The following PRKCB variants were observed in gnomAD, a reference collection of about 807,000 sequenced individuals.
PRKCB encodes the protein protein kinase C beta type.
In PRKCB, 13 loss-of-function variants were observed where a neutral mutation model predicts 81.5. The observed-to-expected ratio is 0.16, with a 90% CI of 0.10 to 0.25. The LOEUF is 0.25. Ranked by LOEUF, PRKCB falls within the 10% of genes least tolerant of loss-of-function variation. The pLI, the probability that PRKCB is intolerant of heterozygous loss-of-function variation, is 1.00. For synonymous variants in PRKCB, 335 were observed against 321.4 expected, an observed-to-expected ratio of 1.04 and a Z score of -0.45; for missense variants, 509 against 875.7, an observed-to-expected ratio of 0.58 and a Z score of 5.29.
chr16:24,103,124 C>T (rs1404440972), intron 7 of PRKCB, among the ~76,000 whole-genome samples: 2 of 152,198 alleles, frequency 1.3e-5, no homozygotes, highest in South Asian at 2.1e-4. Context: ...CCTCTCACTT[C>T]GGCCTCCCAA....
At chr16:24,048,035 G>T (rs1965789874) in intron 5 of PRKCB, among the ~76,000 whole-genome samples, 1 of 152,232 alleles carries the variant, frequency 6.6e-6, no homozygotes. Context: ...CACAGTGCTA[G>T]CCATCGTGGG....
At position 23,836,038 on chromosome 16, in the gene PRKCB, C is replaced by T. The variant is rs990351629; in HGVS notation, c.-138C>T. The T allele has an allele frequency of 1.1e-4, 57 of 505,286 alleles. No homozygotes were observed. Among genetic ancestry groups the T allele is most frequent in the Non-Finnish European group, 1.5e-4 (57 of 392,704 alleles). 31.3% of individuals were successfully genotyped at this position (505,286 alleles called of 1,614,324 possible). ...GCCCCGGCTCCGCGCGCCGCGGCCG[C>T]CAGAGCCGGCGCAGGGGAAGCGCCC... On this transcript the variant is annotated 5_prime_UTR_variant, in exon 1 of 17. Coordinates refer to ENST00000643927, the MANE Select transcript of PRKCB (RefSeq NM_002738.7).
rs1343496607 is a variant in PRKCB at position 24,216,063 on chromosome 16, C to G, written c.*1247C>G. 1.0e-6 allele frequency: 1 copy of G among 984,650 alleles called. No homozygotes were observed. The highest frequency in any genetic ancestry group is 1.2e-6 in the Non-Finnish European group (1 of 829,814). 61.0% of individuals were successfully genotyped at this position (984,650 alleles called of 1,614,324 possible). On this transcript the variant is annotated 3_prime_UTR_variant, in exon 17 of 17. Coordinates refer to ENST00000643927, the MANE Select transcript of PRKCB (RefSeq NM_002738.7). ...TCTTTTTGAGAAACGTGGACCTAAA[C>G]TACAAAGTGGGAACTGAGGAGGGAA...
At chr16:24,095,985 C>A (rs1008512357) in intron 7 of PRKCB, among the ~76,000 whole-genome samples, 3 of 152,044 alleles carry the variant, frequency 2.0e-5, no homozygotes, top group African/African-American at 4.8e-5. Context: ...TAGTTTTGGG[C>A]AAGGGCTATT....
chr16:24,176,894 CAAA>C (rs34201635), intron 12 of PRKCB, among the ~76,000 whole-genome samples: 7 of 96,458 alleles, frequency 7.3e-5, no homozygotes, highest in African/African-American at 1.1e-4. Flanking sequence ...AACTCCATTT[CAAA>C]AAAAAAAAAA....
intron 10 of PRKCB, among the ~76,000 whole-genome samples, chr16:24,166,886 C>A (rs16973330): frequency 2.0e-5 from 3 of 151,994 alleles, no homozygotes; most frequent in Non-Finnish European, 4.4e-5. Context: ...ATATGGTTAG[C>A]GGTAGAAACA....
intron 3 of PRKCB, among the ~76,000 whole-genome samples, chr16:24,027,068 T>G (rs1266822132): frequency 1.3e-5 from 2 of 152,144 alleles, no homozygotes; most frequent in Non-Finnish European, 2.9e-5. Context: ...GTTTCATAGG[T>G]ATACACCTGC....
chr16:24,018,064 A>G (rs1008020079), intron 3 of PRKCB, among the ~76,000 whole-genome samples: 1 of 151,648 alleles, frequency 6.6e-6, no homozygotes, highest in African/African-American at 2.4e-5. Context: ...ACGCCCAGCT[A>G]ATTTTTTGTA....
At chr16:24,166,416 G>A (rs1204149614) in intron 10 of PRKCB, among the ~76,000 whole-genome samples, 1 of 152,060 alleles carries the variant, frequency 6.6e-6, no homozygotes, top group Non-Finnish European at 1.5e-5. Flanking sequence ...ATCATAATCT[G>A]GTCTTACCCT....
intron 10 of PRKCB, among the ~76,000 whole-genome samples, chr16:24,156,480 G>T (rs1967159663): frequency 6.6e-6 from 1 of 152,112 alleles, no homozygotes; most frequent in African/African-American, 2.4e-5. Context: ...TCACCATGTT[G>T]TCCAGGCTGG....
At chr16:24,132,717 C>G (rs1289743637) in intron 9 of PRKCB, among the ~76,000 whole-genome samples, 2 of 150,632 alleles carry the variant, frequency 1.3e-5, no homozygotes, top group African/African-American at 4.9e-5. Context: ...AGTCACACAG[C>G]TAGTAAATGG....
At chr16:24,021,243 C>T (rs1406169003) in intron 3 of PRKCB, among the ~76,000 whole-genome samples, 5 of 93,674 alleles carry the variant, frequency 5.3e-5, no homozygotes, top group Admixed American at 1.6e-4. Context: ...TCCTTCCTTC[C>T]TTCCTTCTTC....
Position 23,941,137 on chromosome 16 carries a change from C to CA in PRKCB, c.206-47369dup, listed in dbSNP as rs575344047. Among the ~76,000 whole-genome samples the CA allele has an allele frequency of 1.3e-3, 199 of 152,246 alleles. 1 individual carries two copies. Among genetic ancestry groups the CA allele is most frequent in the Admixed American group, 7.5e-3 (114 of 15,288 alleles). Reference sequence around the variant, plus strand: ...ATTTTAGGTTTATGGGGCATCTGAGCAACTACTCAATGCTACTATTGTAGC... The same window carrying CA: ...ATTTTAGGTTTATGGGGCATCTGAGCAAACTACTCAATGCTACTATTGTAGC... On this transcript the variant is annotated intron_variant, in intron 2 of 16. Transcript: ENST00000643927.
At chr16:24,160,482 A>G (rs1408616871) in intron 10 of PRKCB, among the ~76,000 whole-genome samples, 1 of 152,184 alleles carries the variant, frequency 6.6e-6, no homozygotes, top group Non-Finnish European at 1.5e-5. Flanking sequence ...GGAATAGGCC[A>G]TATCCCTAAA....
intron 16 of PRKCB, among the ~76,000 whole-genome samples, chr16:24,206,537 C>G (rs1215680938): frequency 6.6e-5 from 10 of 152,162 alleles, no homozygotes. Context: ...TTATCCTCTC[C>G]TCCACCATCT....
intron 2 of PRKCB, among the ~76,000 whole-genome samples, chr16:23,915,233 G>A (rs923638346): frequency 8.5e-5 from 13 of 152,154 alleles, no homozygotes; most frequent in Non-Finnish European, 1.9e-4. Context: ...GAGGTTTACA[G>A]CCCTGCCTTT....
intron 10 of PRKCB, among the ~76,000 whole-genome samples, chr16:24,156,324 G>A (rs990735652): frequency 6.6e-6 from 1 of 151,924 alleles, no homozygotes; most frequent in Non-Finnish European, 1.5e-5. Context: ...TCCCCAGCTA[G>A]AGTGCAGTGG....
intron 10 of PRKCB, among the ~76,000 whole-genome samples, chr16:24,160,215 A>G (rs1160549363): frequency 3.7e-5 from 5 of 136,910 alleles, no homozygotes; most frequent in African/African-American, 5.5e-5. Context: ...TTTTTTTAAT[A>G]CTATGGAAGT....
At chr16:23,975,170 A>G (rs1486423684) in intron 2 of PRKCB, among the ~76,000 whole-genome samples, 1 of 152,204 alleles carries the variant, frequency 6.6e-6, no homozygotes, top group African/African-American at 2.4e-5. Context: ...TTCACTTAGC[A>G]AGTCATTCCT....
Sources: allele counts gnomAD v4.1 joint callset (sites outside exome capture counted in the v4.1 genomes callset), GRCh38; gene constraint gnomAD v4.1.1; transcripts MANE v1.5; gene names NCBI Gene and HGNC (gene_info 2026-07-23, HGNC 2026-07-21).